CDH13: variants seen among roughly 807,000 people sequenced by gnomAD.
CDH13 encodes cadherin-13.
A neutral mutation model predicts 63.8 loss-of-function variants in CDH13; 24 were observed. The observed-to-expected ratio is 0.38, with a 90% CI of 0.27 to 0.53. CDH13 has a LOEUF of 0.53. Ranked by LOEUF, CDH13 falls within the 20% of genes least tolerant of loss-of-function variation. The pLI is 0.85. For synonymous variants in CDH13, 503 were observed against 355.3 expected, an observed-to-expected ratio of 1.42 and a Z score of -4.67; for missense variants, 1,049 against 903.1, an observed-to-expected ratio of 1.16 and a Z score of -2.07.
intron 10 of CDH13, among the ~76,000 whole-genome samples, chr16:83,679,025 C>A (rs1915188545): frequency 6.6e-6 from 1 of 152,104 alleles, no homozygotes; most frequent in Non-Finnish European, 1.5e-5. Context: ...GGGGAAGGAG[C>A]AAAGTCACTT....
chr16:82,954,654 A>T (rs527899466), intron 2 of CDH13: 2 of 150,634 alleles, frequency 1.3e-5, no homozygotes, highest in Admixed American at 1.3e-4. Context: ...CATACTATTC[A>T]CTCTTTTAAA....
At chr16:83,249,105 A>C (rs143418707) in intron 5 of CDH13, among the ~76,000 whole-genome samples, 26 of 152,180 alleles carry the variant, frequency 1.7e-4, no homozygotes, top group African/African-American at 6.0e-4. Context: ...AAATTCACCA[A>C]CTTTTCTCTG....
chr16:82,954,938 C>G (rs1479220626), intron 2 of CDH13, among the ~76,000 whole-genome samples: 4 of 152,152 alleles, frequency 2.6e-5, no homozygotes, highest in Non-Finnish European at 5.9e-5. Flanking sequence ...TTTAAATGTT[C>G]ATCCCTGTTG....
chr16:82,979,754 G>C (rs770354262), intron 2 of CDH13, among the ~76,000 whole-genome samples: 3 of 152,166 alleles, frequency 2.0e-5, no homozygotes, highest in Non-Finnish European at 4.4e-5. Context: ...CCAACAAGGA[G>C]TATGTGGTGA....
At chr16:82,789,341 G>C (rs1431947511) in intron 1 of CDH13, among the ~76,000 whole-genome samples, 1 of 152,146 alleles carries the variant, frequency 6.6e-6, no homozygotes. Flanking sequence ...CATGAAGGGA[G>C]GGTCTTCTGA....
At chr16:83,455,212 C>T (rs1427460515) in intron 6 of CDH13, among the ~76,000 whole-genome samples, 1 of 152,156 alleles carries the variant, frequency 6.6e-6, no homozygotes, top group Non-Finnish European at 1.5e-5. Flanking sequence ...GATTTTTCAT[C>T]AGTGAACAAT....
intron 6 of CDH13, among the ~76,000 whole-genome samples, chr16:83,385,863 A>G (rs1176726995): frequency 6.6e-6 from 1 of 152,188 alleles, no homozygotes; most frequent in African/African-American, 2.4e-5. Context: ...TGACAGGCCA[A>G]TGTACTGACT....
intron 7 of CDH13, among the ~76,000 whole-genome samples, chr16:83,598,514 G>T (rs1279086519): frequency 6.6e-6 from 1 of 152,176 alleles, no homozygotes; most frequent in Non-Finnish European, 1.5e-5. Flanking sequence ...TGATGCTATT[G>T]TATGGTGTGA....
chr16:83,190,194 C>T (rs567718239), intron 4 of CDH13, among the ~76,000 whole-genome samples: 13 of 152,336 alleles, frequency 8.5e-5, no homozygotes, highest in African/African-American at 2.4e-4. Context: ...GTAGCCATCT[C>T]TGAGGCCAAA....
intron 6 of CDH13, among the ~76,000 whole-genome samples, chr16:83,485,396 A>G (rs2073862905): frequency 6.6e-6 from 1 of 152,202 alleles, no homozygotes; most frequent in South Asian, 2.1e-4. Context: ...TCAATCATTG[A>G]CATAATCCAA....
chr16:82,762,712 T>G (rs986974620), intron 1 of CDH13, among the ~76,000 whole-genome samples: 6 of 152,166 alleles, frequency 3.9e-5, no homozygotes, highest in Admixed American at 2.0e-4. Context: ...TGGAATGCCT[T>G]GAGCAAAACT....
intron 1 of CDH13, among the ~76,000 whole-genome samples, chr16:82,836,602 A>G (rs2038777691): frequency 2.0e-5 from 3 of 152,280 alleles, no homozygotes; most frequent in South Asian, 4.1e-4. Flanking sequence ...AAGAGCACAG[A>G]TAAGTTCTGG....
chr16:83,090,038 A>G (rs1472138735), intron 3 of CDH13, among the ~76,000 whole-genome samples: 1 of 152,074 alleles, frequency 6.6e-6, no homozygotes, highest in Non-Finnish European at 1.5e-5. Context: ...TCAAACCTAA[A>G]AGTCAGGGCT....
intron 3 of CDH13, among the ~76,000 whole-genome samples, chr16:83,114,157 T>G (rs1311114202): frequency 6.6e-6 from 1 of 152,232 alleles, no homozygotes; most frequent in Non-Finnish European, 1.5e-5. Context: ...ACGTTAGGAA[T>G]GTAATGTAAT....
intron 7 of CDH13, among the ~76,000 whole-genome samples, chr16:83,572,719 C>T (rs2150708601): frequency 6.6e-6 from 1 of 152,328 alleles, no homozygotes; most frequent in African/African-American, 2.4e-5. Context: ...CCAAACATGG[C>T]ATTCGTGATT....
chr16:82,853,111 A>C (rs1248734079), intron 1 of CDH13, among the ~76,000 whole-genome samples: 2 of 152,186 alleles, frequency 1.3e-5, no homozygotes, highest in African/African-American at 4.8e-5. Context: ...TGGCTCTTGC[A>C]TGGAAGAGAG....
chr16:83,148,989 C>G (rs1013927466), intron 4 of CDH13, among the ~76,000 whole-genome samples: 4 of 152,092 alleles, frequency 2.6e-5, no homozygotes, highest in African/African-American at 7.2e-5. Context: ...CCAAATGTAT[C>G]ATAAAATTAA....
intron 2 of CDH13, among the ~76,000 whole-genome samples, chr16:82,893,287 G>T (rs953699803): frequency 6.6e-6 from 1 of 152,186 alleles, no homozygotes. Context: ...GATAGACATG[G>T]CTTAAAATAG....
chr16:83,568,534 T>G (rs759561892), intron 7 of CDH13, among the ~76,000 whole-genome samples: 6 of 152,244 alleles, frequency 3.9e-5, no homozygotes, highest in Non-Finnish European at 7.3e-5. Context: ...TGCTTTGGCT[T>G]GGCTGTCACT....
Sources: allele counts gnomAD v4.1 joint callset (sites outside exome capture counted in the v4.1 genomes callset), GRCh38; gene constraint gnomAD v4.1.1; transcripts MANE v1.5; gene names NCBI Gene and HGNC (gene_info 2026-07-23, HGNC 2026-07-21).